EPHB1: variants seen among roughly 807,000 people sequenced by gnomAD.
The protein encoded by EPHB1 is EPH receptor B1, also known as ephrin type-B receptor 1.
Under a neutral mutation model 94.4 loss-of-function variants are expected in EPHB1, and 30 were observed. That is an observed-to-expected ratio of 0.32 (90% CI 0.24 to 0.43). The LOEUF (loss-of-function observed/expected upper bound fraction) is 0.43. EPHB1 is among the 20% of genes least tolerant of loss of function. The probability of loss-of-function intolerance (pLI) is 1.00; values close to 1 mark genes in which losing one functional copy is unlikely to be tolerated. For missense variants in EPHB1, 1,055 were observed against 1,308.3 expected, an observed-to-expected ratio of 0.81 and a Z score of 2.99; for synonymous variants, 522 against 489.1, an observed-to-expected ratio of 1.07 and a Z score of -0.89.
At chr3:134,913,857 T>A (rs1481216003) in intron 1 of EPHB1, among the ~76,000 whole-genome samples, 5 of 152,100 alleles carry the variant, frequency 3.3e-5, no homozygotes, top group South Asian at 4.2e-4. Context: ...TCTCAGTGTA[T>A]ATTGGTGGTG....
chr3:134,824,537 C>A (rs1023950079), intron 1 of EPHB1, among the ~76,000 whole-genome samples: 26 of 152,182 alleles, frequency 1.7e-4, no homozygotes, highest in African/African-American at 6.3e-4. Flanking sequence ...CAGTTATCTC[C>A]CATCCAACAA....
chr3:134,974,199 C>T (rs1287249247), intron 3 of EPHB1, among the ~76,000 whole-genome samples: 1 of 152,102 alleles, frequency 6.6e-6, no homozygotes, highest in East Asian at 1.9e-4. Context: ...GGTAAGCATT[C>T]AAGGATGCAC....
chr3:134,805,871 C>T (rs957010759), intron 1 of EPHB1, among the ~76,000 whole-genome samples: 1 of 152,186 alleles, frequency 6.6e-6, no homozygotes, highest in African/African-American at 2.4e-5. Context: ...GCCGCCTCTG[C>T]TTCCCTCTAT....
At chr3:135,206,091 G>T (rs771959275) in intron 12 of EPHB1, among the ~76,000 whole-genome samples, 2 of 152,086 alleles carry the variant, frequency 1.3e-5, no homozygotes, top group Admixed American at 6.5e-5. Flanking sequence ...ACCATCAATT[G>T]GTTTTATAAC....
intron 12 of EPHB1, among the ~76,000 whole-genome samples, chr3:135,229,804 G>A (rs915405267): frequency 2.9e-4 from 44 of 152,304 alleles, no homozygotes; most frequent in Admixed American, 1.2e-3. Context: ...ATTGCCTGCC[G>A]TAGCAAGTGC....
intron 1 of EPHB1, among the ~76,000 whole-genome samples, chr3:134,824,265 G>A (rs886582309): frequency 6.6e-6 from 1 of 151,712 alleles, no homozygotes; most frequent in African/African-American, 2.4e-5. Flanking sequence ...ATGAGGCGGA[G>A]CCAGTCGGGG....
At chr3:135,228,772 G>GTTA (rs75849748) in intron 12 of EPHB1, among the ~76,000 whole-genome samples, 94,749 of 151,500 alleles carry the variant, frequency 0.63, 32,474 homozygotes, top group Middle Eastern at 0.83. Flanking sequence ...TTGGCTGACA[G>GTTA]GGACTCCATG....
At chr3:134,820,027 C>T (rs970714197) in intron 1 of EPHB1, among the ~76,000 whole-genome samples, 6 of 152,206 alleles carry the variant, frequency 3.9e-5, no homozygotes, top group African/African-American at 2.4e-5. Flanking sequence ...TGGTGAGGCC[C>T]GTGGTGGGGT....
intron 15 of EPHB1, among the ~76,000 whole-genome samples, chr3:135,253,412 G>A (rs1425782311): frequency 6.7e-6 from 1 of 148,662 alleles, no homozygotes; most frequent in Non-Finnish European, 1.5e-5. Flanking sequence ...AAGGGATCCA[G>A]TTTCAGCTTT....
intron 3 of EPHB1, among the ~76,000 whole-genome samples, chr3:135,010,525 T>C (rs921166729): frequency 1.3e-5 from 2 of 151,714 alleles, no homozygotes; most frequent in Non-Finnish European, 2.9e-5. Flanking sequence ...GCAGTGAGTC[T>C]GAGGTGGGCC....
intron 12 of EPHB1, among the ~76,000 whole-genome samples, chr3:135,219,769 T>C (rs763293947): frequency 1.3e-5 from 2 of 152,176 alleles, no homozygotes; most frequent in Non-Finnish European, 2.9e-5. Flanking sequence ...CTTGATACTG[T>C]AGGAGTCTGC....
intron 3 of EPHB1, among the ~76,000 whole-genome samples, chr3:135,050,429 C>G (rs1450943249): frequency 6.6e-6 from 1 of 152,090 alleles, no homozygotes; most frequent in East Asian, 1.9e-4. Flanking sequence ...CATATTTTTG[C>G]CATCATATTG....
intron 1 of EPHB1, among the ~76,000 whole-genome samples, chr3:134,913,457 T>A (rs2038497819): frequency 6.6e-6 from 1 of 152,234 alleles, no homozygotes; most frequent in Non-Finnish European, 1.5e-5. Context: ...AGGTTGCTGC[T>A]GCCCCTGTTC....
chr3:134,943,639 A>G (rs1332435782), intron 2 of EPHB1, among the ~76,000 whole-genome samples: 1 of 152,124 alleles, frequency 6.6e-6, no homozygotes, highest in African/African-American at 2.4e-5. Flanking sequence ...TTTGGACCAC[A>G]CCCTGATACT....
chr3:134,909,337 T>A (rs1489607128), intron 1 of EPHB1, among the ~76,000 whole-genome samples: 2 of 152,166 alleles, frequency 1.3e-5, no homozygotes, highest in Non-Finnish European at 2.9e-5. Flanking sequence ...AGAAAATGTC[T>A]CTCTGGGAAA....
At chr3:135,137,505 T>C (rs1940664476) in intron 5 of EPHB1, among the ~76,000 whole-genome samples, 1 of 152,182 alleles carries the variant, frequency 6.6e-6, no homozygotes, top group South Asian at 2.1e-4. Context: ...CTGTTTTCCA[T>C]TCTCATTCCA....
At chr3:135,040,911 C>G (rs2107765800) in intron 3 of EPHB1, among the ~76,000 whole-genome samples, 1 of 152,302 alleles carries the variant, frequency 6.6e-6, no homozygotes, top group South Asian at 2.1e-4. Context: ...ATCTATAATT[C>G]CTTCCCCTTC....
intron 1 of EPHB1, among the ~76,000 whole-genome samples, chr3:134,904,136 G>A (rs2038263970): frequency 6.6e-6 from 1 of 152,196 alleles, no homozygotes; most frequent in African/African-American, 2.4e-5. Flanking sequence ...CTCCAGGTGG[G>A]AGAAGAGGTA....
At chr3:134,854,196 T>C (rs2037056957) in intron 1 of EPHB1, among the ~76,000 whole-genome samples, 1 of 152,150 alleles carries the variant, frequency 6.6e-6, no homozygotes, top group Admixed American at 6.5e-5. Flanking sequence ...TGGCTCACAG[T>C]AGGTGCTGCA....
Sources: allele counts gnomAD v4.1 joint callset (sites outside exome capture counted in the v4.1 genomes callset), GRCh38; gene constraint gnomAD v4.1.1; transcripts MANE v1.5; gene names NCBI Gene and HGNC (gene_info 2026-07-23, HGNC 2026-07-21).